ATF7: variants seen among roughly 807,000 people sequenced by gnomAD.
ATF7 encodes the protein cyclic AMP-dependent transcription factor ATF-7.
In ATF7, 10 loss-of-function variants were observed where a neutral mutation model predicts 50.4. The ratio of observed to expected loss-of-function variants is 0.20; its 90% CI spans 0.12 to 0.34. The LOEUF (loss-of-function observed/expected upper bound fraction) is 0.34. Ranked by LOEUF, ATF7 falls within the 10% of genes least tolerant of loss-of-function variation. The pLI is 1.00. For synonymous variants in ATF7, 201 were observed against 226.4 expected, an observed-to-expected ratio of 0.89 and a Z score of 1.01; for missense variants, 465 against 613.9, an observed-to-expected ratio of 0.76 and a Z score of 2.56.
At chr12:53,578,571 C>T (rs186318968) in intron 2 of ATF7, among the ~76,000 whole-genome samples, 61 of 151,700 alleles carry the variant, frequency 4.0e-4, no homozygotes, top group Non-Finnish European at 6.5e-4. Context: ...TGCTTTAGCC[C>T]GGGAGTTTGA....
intron 4 of ATF7, among the ~76,000 whole-genome samples, chr12:53,541,537 G>C (rs181105474): frequency 9.2e-4 from 140 of 151,830 alleles, no homozygotes; most frequent in African/African-American, 3.3e-3. Flanking sequence ...ATTTCCTCTC[G>C]TCTTCCAAAC....
intron 2 of ATF7, among the ~76,000 whole-genome samples, chr12:53,556,713 G>A (rs1301557954): frequency 6.6e-6 from 1 of 152,204 alleles, no homozygotes; most frequent in East Asian, 1.9e-4. Flanking sequence ...AGGATACTCA[G>A]TCCCAGTTGT....
intron 2 of ATF7, among the ~76,000 whole-genome samples, chr12:53,593,832 G>A (rs947813548): frequency 6.6e-6 from 1 of 152,196 alleles, no homozygotes; most frequent in Non-Finnish European, 1.5e-5. Flanking sequence ...GCCATCTGCT[G>A]ATTACTTATT....
chr12:53,600,571 A>G (rs549010115), intron 2 of ATF7, among the ~76,000 whole-genome samples: 2 of 152,320 alleles, frequency 1.3e-5, no homozygotes, highest in African/African-American at 4.8e-5. Flanking sequence ...ACCTCAGGTG[A>G]TCTGCCCATC....
chr12:53,540,832 C>A (rs1939509230), intron 4 of ATF7, among the ~76,000 whole-genome samples: 1 of 152,078 alleles, frequency 6.6e-6, no homozygotes, highest in African/African-American at 2.4e-5. Context: ...TAACTGCAAC[C>A]TTGACCTCCT....
intron 9 of ATF7, among the ~76,000 whole-genome samples, chr12:53,529,664 CA>C (rs1938726953): frequency 6.8e-6 from 1 of 146,468 alleles, no homozygotes; most frequent in Non-Finnish European, 1.5e-5. Flanking sequence ...TACACACACA[CA>C]TATATATATA....
intron 1 of ATF7, among the ~76,000 whole-genome samples, chr12:53,601,282 C>T (rs1260419266): frequency 6.6e-6 from 1 of 152,190 alleles, no homozygotes; most frequent in Non-Finnish European, 1.5e-5. Context: ...TTCCCTCTTT[C>T]TACTACAGTA....
intron 2 of ATF7, among the ~76,000 whole-genome samples, chr12:53,572,790 T>A (rs1445204427): frequency 1.3e-5 from 2 of 151,228 alleles, no homozygotes; most frequent in South Asian, 2.1e-4. Context: ...CTATTTAATT[T>A]TTTTTTTTTT....
intron 4 of ATF7, chr12:53,542,907 T>C (rs1462141091): frequency 1.5e-5 from 15 of 1,021,574 alleles, no homozygotes; most frequent in African/African-American, 1.7e-5. Context: ...TTGATAAATG[T>C]TTATTGACTT....
chr12:53,598,615 G>C (rs1448553831), intron 2 of ATF7, among the ~76,000 whole-genome samples: 1 of 152,186 alleles, frequency 6.6e-6, no homozygotes. Context: ...CCTACCTCCA[G>C]TCCAAAACAC....
At chr12:53,529,403 A>G (rs1165045828) in intron 9 of ATF7, among the ~76,000 whole-genome samples, 2 of 149,448 alleles carry the variant, frequency 1.3e-5, no homozygotes, top group Admixed American at 1.3e-4. Context: ...GGGTTTCACC[A>G]TGTTGGTCAG....
At chr12:53,537,787 AC>A (rs1939310515) in intron 4 of ATF7, among the ~76,000 whole-genome samples, 1 of 152,052 alleles carries the variant, frequency 6.6e-6, no homozygotes, top group Non-Finnish European at 1.5e-5. Context: ...ATCTCGTCTC[AC>A]TGCAACTTCC....
intron 11 of ATF7, 149 bp downstream of exon 11, chr12:53,523,127 A>T: frequency 1.7e-6 from 1 of 596,868 alleles, no homozygotes; most frequent in Non-Finnish European, 3.0e-6. Flanking sequence ...TTTTTTTTCT[A>T]GGTCTGGTTG....
chr12:53,575,398 ACT>A (rs1326861799), intron 2 of ATF7, among the ~76,000 whole-genome samples: 1 of 144,830 alleles, frequency 6.9e-6, no homozygotes, highest in Non-Finnish European at 1.5e-5. Context: ...CAAGAGCAAA[ACT>A]CTGTCTTAAA....
chr12:53,531,158 C>T (rs1052475169), intron 9 of ATF7, among the ~76,000 whole-genome samples: 4 of 151,904 alleles, frequency 2.6e-5, no homozygotes, highest in East Asian at 2.0e-4. Context: ...TGGTGGCTCA[C>T]GCCTGGAATC....
Position 53,556,996 on chromosome 12 carries a change from G to A in ATF7, c.49-4359C>T, listed in dbSNP as rs1450468605. ...TGTTCTTGAACTCCTGGGCTCAAAT[G>A]AGTCTCCTGCCTCAGCTTCCTGAGT... On this transcript the variant is annotated intron_variant, in intron 2 of 11. Coordinates refer to ENST00000420353, the MANE Select transcript of ATF7 (RefSeq NM_006856.3). Among the ~76,000 whole-genome samples the A allele has an allele frequency of 3.3e-5, 5 of 151,920 alleles. No homozygotes were observed. The East Asian group carries it at 7.7e-4, about 23-fold the overall frequency.
At chr12:53,586,798 TACAC>T (rs747042028) in intron 2 of ATF7, among the ~76,000 whole-genome samples, 6 of 152,002 alleles carry the variant, frequency 3.9e-5, no homozygotes, top group East Asian at 1.9e-4. Flanking sequence ...CACACACAAA[TACAC>T]ACACACACGC....
chr12:53,587,843 A>ATATATATATATATATATATATT, intron 2 of ATF7, among the ~76,000 whole-genome samples: 146 of 61,502 alleles, frequency 2.4e-3, no homozygotes, highest in Middle Eastern at 0.011. Context: ...ATATATATAT[A>ATATATATATATATATATATATT]TTTTTTTTTT....
chr12:53,574,952 CCAA>C, intron 2 of ATF7: 1 of 202,160 alleles, frequency 4.9e-6, no homozygotes, highest in Non-Finnish European at 9.6e-6. Context: ...TGAGCTTAAG[CCAA>C]AAAAAAAAAA....
Sources: gnomAD v4.1 joint callset for allele counts (sites outside exome capture counted in the v4.1 genomes callset) on GRCh38, gnomAD v4.1.1 for gene constraint, MANE v1.5 for transcripts, NCBI Gene and HGNC (gene_info 2026-07-23, HGNC 2026-07-21) for gene names.